FOXN3: variants seen among roughly 807,000 people sequenced by gnomAD.
The protein encoded by FOXN3 is forkhead box protein N3.
FOXN3 carries 7 observed loss-of-function variants against 38.4 expected under a neutral mutation model. The ratio of observed to expected loss-of-function variants is 0.18; its 90% confidence interval spans 0.10 to 0.34. The LOEUF (loss-of-function observed/expected upper bound fraction) is 0.34. FOXN3 is among the 10% of genes least tolerant of loss of function. The pLI is 1.00. For missense variants in FOXN3, 456 were observed against 613.4 expected (o/e 0.74, Z 2.71); for synonymous variants, 230 against 242.2 (o/e 0.95, Z 0.47).
chr14:89,413,599 C>T (rs959579845), intron 1 of FOXN3, among the ~76,000 whole-genome samples: 2 of 148,436 alleles, frequency 1.3e-5, no homozygotes, highest in Admixed American at 6.9e-5. Flanking sequence ...TACCACTGCA[C>T]TCCAGCCTGA....
chr14:89,343,887 C>A (rs549413601), intron 3 of FOXN3, among the ~76,000 whole-genome samples: 1 of 152,040 alleles, frequency 6.6e-6, no homozygotes, highest in Non-Finnish European at 1.5e-5. Flanking sequence ...CTTAGCCTCC[C>A]GAGTAGCTGA....
chr14:89,468,456 A>AAC (rs550963380), intron 1 of FOXN3, among the ~76,000 whole-genome samples: 3,287 of 148,684 alleles, frequency 0.022, 56 homozygotes, highest in East Asian at 0.068. Flanking sequence ...TGTGTCTCAA[A>AAC]ACACACACAC....
At chr14:89,271,850 C>T (rs995344960) in intron 4 of FOXN3, among the ~76,000 whole-genome samples, 16 of 152,158 alleles carry the variant, frequency 1.1e-4, no homozygotes, top group African/African-American at 3.9e-4. Context: ...GTAGAACACC[C>T]AAATATCTAA....
At chr14:89,272,259 G>A (rs996238393) in intron 4 of FOXN3, among the ~76,000 whole-genome samples, 1 of 152,204 alleles carries the variant, frequency 6.6e-6, no homozygotes, top group East Asian at 1.9e-4. Flanking sequence ...GTTGCAGTGA[G>A]CTGAGATCGC....
intron 3 of FOXN3, among the ~76,000 whole-genome samples, chr14:89,320,571 T>C (rs1296200173): frequency 6.6e-6 from 1 of 152,200 alleles, no homozygotes; most frequent in Non-Finnish European, 1.5e-5. Flanking sequence ...TCCCCAACCA[T>C]CTTGCAAGAA....
intron 4 of FOXN3, among the ~76,000 whole-genome samples, chr14:89,200,083 A>AAAACAAAC (rs372214799): frequency 2.0e-5 from 3 of 152,148 alleles, no homozygotes; most frequent in Admixed American, 6.5e-5. Flanking sequence ...AGAACAGATG[A>AAAACAAAC]AAACAAACAA....
intron 1 of FOXN3, among the ~76,000 whole-genome samples, chr14:89,520,683 A>G (rs887640140): frequency 6.6e-6 from 1 of 152,198 alleles, no homozygotes; most frequent in Non-Finnish European, 1.5e-5. Flanking sequence ...ACAAATTAAC[A>G]TTTTTCAAGA....
At chr14:89,348,662 T>TTC (rs1888847326) in intron 3 of FOXN3, among the ~76,000 whole-genome samples, 1 of 152,066 alleles carries the variant, frequency 6.6e-6, no homozygotes, top group Non-Finnish European at 1.5e-5. Flanking sequence ...AACTGGTTTT[T>TTC]TTTCCCCCCT....
intron 1 of FOXN3, among the ~76,000 whole-genome samples, chr14:89,452,664 T>G (rs1041809666): frequency 6.6e-6 from 1 of 152,118 alleles, no homozygotes; most frequent in Non-Finnish European, 1.5e-5. Flanking sequence ...TTTCCCCTCA[T>G]GCAGCCCTGA....
intron 3 of FOXN3, among the ~76,000 whole-genome samples, chr14:89,286,163 G>C (rs1459236673): frequency 6.6e-6 from 1 of 151,586 alleles, no homozygotes; most frequent in South Asian, 2.1e-4. Flanking sequence ...CAAGAGAGGA[G>C]TAGGGAGGGG....
At chr14:89,354,527 G>A (rs1306182489) in intron 2 of FOXN3, among the ~76,000 whole-genome samples, 11 of 145,056 alleles carry the variant, frequency 7.6e-5, no homozygotes, top group African/African-American at 2.0e-4. Context: ...GCGCCCGGCC[G>A]TGGAGTGCTT....
rs1893402370 is a variant in FOXN3 at position 89,484,417 on chromosome 14, T to C, written c.-14-71927A>G. ...CCAGAAATGAACAAACATGGCTCTGTTTCAATAACATTTTATTTAGGGACA... is the reference window on the plus strand; with the variant it reads ...CCAGAAATGAACAAACATGGCTCTGCTTCAATAACATTTTATTTAGGGACA... On this transcript the variant is annotated intron_variant, in intron 1 of 6. Coordinates refer to the FOXN3 transcript ENST00000345097. This position sits in a 1 kb window ranked among gnomAD's most constrained non-coding sequence, Gnocchi z 4.0. Among the ~76,000 whole-genome samples the C allele has an allele frequency of 6.6e-6, 1 of 152,244 alleles. No individual in the cohort carries two copies. Among genetic ancestry groups the C allele is most frequent in the South Asian group, 2.1e-4 (1 of 4,838 alleles).
chr14:89,407,500 C>T (rs142361713), intron 2 of FOXN3, among the ~76,000 whole-genome samples: 1 of 152,158 alleles, frequency 6.6e-6, no homozygotes, highest in South Asian at 2.1e-4. Context: ...CTTATGTATA[C>T]CGAAATGTTT....
chr14:89,296,482 T>C (rs909272891), intron 3 of FOXN3, among the ~76,000 whole-genome samples: 3 of 152,198 alleles, frequency 2.0e-5, no homozygotes, highest in African/African-American at 7.2e-5. Context: ...TAGATGCAAA[T>C]GAGCCTACTA....
chr14:89,283,057 T>C (rs1413071867), intron 3 of FOXN3, among the ~76,000 whole-genome samples: 1 of 152,152 alleles, frequency 6.6e-6, no homozygotes, highest in African/African-American at 2.4e-5. Context: ...CCTGTTGTAA[T>C]TGATGAATTC....
At chr14:89,372,321 G>A (rs919279214) in intron 2 of FOXN3, among the ~76,000 whole-genome samples, 2 of 152,112 alleles carry the variant, frequency 1.3e-5, no homozygotes, top group African/African-American at 2.4e-5. Flanking sequence ...CTCGATTACA[G>A]TATTAGAAAA....
chr14:89,320,728 T>C (rs1887872225), intron 3 of FOXN3, among the ~76,000 whole-genome samples: 2 of 152,124 alleles, frequency 1.3e-5, no homozygotes, highest in Admixed American at 1.3e-4. Context: ...GCTGATAGCA[T>C]GAGGAAGGAG....
intron 1 of FOXN3, among the ~76,000 whole-genome samples, chr14:89,513,382 G>T (rs569256339): frequency 3.8e-4 from 58 of 150,868 alleles, no homozygotes; most frequent in African/African-American, 1.3e-3. Context: ...ACACTACCAT[G>T]CCCAGCCAAT....
At chr14:89,350,587 G>T in intron 3 of FOXN3, 85 bp downstream of exon 3, 1 of 1,149,326 alleles carries the variant, frequency 8.7e-7, no homozygotes, top group South Asian at 2.1e-5. Context: ...AATCTCGTAC[G>T]GCCTATTAAA....
Sources: allele counts gnomAD v4.1 joint callset (sites outside exome capture counted in the v4.1 genomes callset), GRCh38; gene constraint gnomAD v4.1.1; non-coding constraint Gnocchi (gnomAD v3.1); transcripts MANE v1.5; gene names NCBI Gene and HGNC (gene_info 2026-07-23, HGNC 2026-07-21).